Variants in SPRR2B observed in about 807,000 individuals in gnomAD.
SPRR2B encodes the protein small proline rich protein 2B, also known as small proline-rich protein 2B.
Under a neutral mutation model 1.0 loss-of-function variants are expected in SPRR2B, and 1 was observed. That is an observed-to-expected ratio of 1.01 (90% CI 0.36 to 4.77). SPRR2B has a LOEUF of 4.77. SPRR2B is among the 30% of genes most tolerant of loss of function. SPRR2B has a pLI of 0.16. For missense variants in SPRR2B, 53 were observed against 88.7 expected, an observed-to-expected ratio of 0.60 and a Z score of 1.62; for synonymous variants, 27 against 33.4, an observed-to-expected ratio of 0.81 and a Z score of 0.66.
chr1:153,072,436 C>A (rs1304870388), upstream of SPRR2B, among the ~76,000 whole-genome samples: 1 of 152,154 alleles, frequency 6.6e-6, no homozygotes, highest in Non-Finnish European at 1.5e-5. Flanking sequence ...CATTTTAAAT[C>A]TATGTATTGA....
chr1:153,076,231 T>C (rs1314510216), upstream of SPRR2B, among the ~76,000 whole-genome samples: 2 of 152,214 alleles, frequency 1.3e-5, no homozygotes, highest in African/African-American at 4.8e-5. Flanking sequence ...ACTGAATAGC[T>C]CATTAGCACT....
chr1:153,073,957 C>T (rs1654723753), upstream of SPRR2B, among the ~76,000 whole-genome samples: 1 of 152,070 alleles, frequency 6.6e-6, no homozygotes, highest in South Asian at 2.1e-4. Context: ...TATATATTCA[C>T]TCATTTGTGC....
At chr1:153,085,420 AG>A in the SPRR2B span, among the ~76,000 whole-genome samples, 1 of 146,924 alleles carries the variant, frequency 6.8e-6, no homozygotes, top group African/African-American at 2.6e-5. Flanking sequence ...TGAATAGACC[AG>A]GCAGAGAAAA....
chr1:153,072,435 T>C (rs1654686373), upstream of SPRR2B, among the ~76,000 whole-genome samples: 1 of 152,182 alleles, frequency 6.6e-6, no homozygotes, highest in Non-Finnish European at 1.5e-5. Context: ...TCATTTTAAA[T>C]CTATGTATTG....
chr1:153,076,944 C>A, the SPRR2B span, among the ~76,000 whole-genome samples: 2 of 152,156 alleles, frequency 1.3e-5, no homozygotes, highest in Non-Finnish European at 2.9e-5. Flanking sequence ...TTAGAAATGT[C>A]AGTCTTAAAG....
In SPRR2B at chr1:153,070,295, C is replaced by A. The variant is rs1367490575; in HGVS notation, c.*326G>T. On this transcript the variant is annotated 3_prime_UTR_variant, in exon 2 of 2. Transcript: ENST00000368755. ...ATTGCACAGGTGGTAGAAGCTCATG[C>A]CCAGGTGAAAGACAGACACAGAACA... is the stretch of plus-strand genomic sequence containing the variant. 3 of 472,548 alleles carry A rather than the reference C, an allele frequency of 6.3e-6. No homozygotes were observed. The highest frequency in any genetic ancestry group is 1.1e-5 in the Non-Finnish European group (3 of 271,218). The allele number at this position is 472,548 out of a possible 1,614,324, so 29.3% of individuals were successfully genotyped here. A position where few individuals can be genotyped will look rare whatever the true frequency, so the allele number is the denominator to read the frequency against.
the SPRR2B span, among the ~76,000 whole-genome samples, chr1:153,080,053 T>C: frequency 6.6e-6 from 1 of 152,212 alleles, no homozygotes; most frequent in South Asian, 2.1e-4. Flanking sequence ...AGAAGTGGTT[T>C]GTAGTTCTCC....
chr1:153,084,959 A>G, the SPRR2B span, among the ~76,000 whole-genome samples: 1 of 152,250 alleles, frequency 6.6e-6, no homozygotes, highest in Non-Finnish European at 1.5e-5. Context: ...AGTCATCTGA[A>G]TTGATGTTAT....
chr1:153,083,104 G>C, the SPRR2B span, among the ~76,000 whole-genome samples: 1 of 152,140 alleles, frequency 6.6e-6, no homozygotes, highest in Non-Finnish European at 1.5e-5. Flanking sequence ...AACACAGTTG[G>C]AATGAACAAA....
the SPRR2B span, among the ~76,000 whole-genome samples, chr1:153,078,796 C>T: frequency 6.6e-6 from 1 of 152,306 alleles, no homozygotes; most frequent in East Asian, 1.9e-4. Flanking sequence ...CAAGTCTTTG[C>T]TATTGTGAAT....
At chr1:153,075,478 A>T (rs1335712388), upstream of SPRR2B, among the ~76,000 whole-genome samples, 5 of 152,232 alleles carry the variant, frequency 3.3e-5, no homozygotes, top group Non-Finnish European at 5.9e-5. Context: ...TAGAAATCAT[A>T]ACATTGGCCA....
chr1:153,086,078 A>G, the SPRR2B span, among the ~76,000 whole-genome samples: 3 of 152,232 alleles, frequency 2.0e-5, no homozygotes, highest in African/African-American at 4.8e-5. Context: ...CTACAGAAAC[A>G]CACTTTAGTA....
the SPRR2B span, among the ~76,000 whole-genome samples, chr1:153,076,955 G>A: frequency 3.7e-4 from 56 of 152,286 alleles, no homozygotes; most frequent in East Asian, 0.011. Context: ...AGTCTTAAAG[G>A]CTGTAGGCCC....
chr1:153,071,478 A>G (rs1365208074), intron 1 of SPRR2B, among the ~76,000 whole-genome samples, 91 bp downstream of exon 1: 1 of 152,168 alleles, frequency 6.6e-6, no homozygotes, highest in African/African-American at 2.4e-5. Flanking sequence ...CAAACCCATG[A>G]TCATAGGTTT....
At chr1:153,072,581 A>C (rs1409078290), upstream of SPRR2B, among the ~76,000 whole-genome samples, 2 of 152,204 alleles carry the variant, frequency 1.3e-5, no homozygotes, top group African/African-American at 2.4e-5. Context: ...TCTGAAATCT[A>C]GGGGAAAATA....
chr1:153,085,208 T>C, the SPRR2B span, among the ~76,000 whole-genome samples: 1 of 152,100 alleles, frequency 6.6e-6, no homozygotes, highest in Non-Finnish European at 1.5e-5. Flanking sequence ...GGAATTTCAA[T>C]ATGGATAGGA....
chr1:153,075,493 A>C (rs1557911290), upstream of SPRR2B, among the ~76,000 whole-genome samples: 3 of 152,344 alleles, frequency 2.0e-5, no homozygotes, highest in Middle Eastern at 3.4e-3. Context: ...TGGCCATAAT[A>C]TGATGAAATT....
the SPRR2B span, among the ~76,000 whole-genome samples, chr1:153,084,672 G>C: frequency 3.9e-5 from 6 of 152,178 alleles, no homozygotes; most frequent in African/African-American, 1.4e-4. Context: ...CCTGCCCCCA[G>C]CCCAATAGTA....
the SPRR2B span, among the ~76,000 whole-genome samples, chr1:153,081,891 T>C: frequency 6.6e-6 from 1 of 151,304 alleles, no homozygotes; most frequent in Non-Finnish European, 1.5e-5. Flanking sequence ...GGCAGAATCT[T>C]GGCTCACTGC....
Sources: allele counts gnomAD v4.1 joint callset (sites outside exome capture counted in the v4.1 genomes callset), GRCh38; gene constraint gnomAD v4.1.1; transcripts MANE v1.5; gene names NCBI Gene and HGNC (gene_info 2026-07-23, HGNC 2026-07-21).